Variants in FARS2 observed in about 807,000 individuals in gnomAD.
The protein encoded by FARS2 is phenylalanyl-tRNA synthetase 2, mitochondrial, also known as phenylalanine--tRNA ligase, mitochondrial.
Under a neutral mutation model 46.4 loss-of-function variants are expected in FARS2, and 40 were observed. That is an observed-to-expected ratio of 0.86 (90% CI 0.67 to 1.12). The LOEUF (loss-of-function observed/expected upper bound fraction) is 1.12, where lower values mean the gene tolerates loss of function less well. FARS2 is among the 50% of genes most tolerant of loss of function. FARS2 has a pLI of 0.00. For synonymous variants in FARS2, 234 were observed against 214.9 expected (o/e 1.09, Z -0.78); for missense variants, 513 against 567.9 (o/e 0.90, Z 0.98).
At chr6:5,464,657 A>G (rs1765418034) in intron 4 of FARS2, among the ~76,000 whole-genome samples, 1 of 152,210 alleles carries the variant, frequency 6.6e-6, no homozygotes, top group South Asian at 2.1e-4. Context: ...ATAAGCTCGT[A>G]TAGTACTGGG....
At chr6:5,615,276 T>C (rs1359031092) in intron 6 of FARS2, among the ~76,000 whole-genome samples, 1 of 152,238 alleles carries the variant, frequency 6.6e-6, no homozygotes, top group Non-Finnish European at 1.5e-5. Flanking sequence ...TCTGTACCTA[T>C]TATTTTCTCT....
At chr6:5,279,988 C>A (rs1166674652) in intron 1 of FARS2, among the ~76,000 whole-genome samples, 1 of 152,218 alleles carries the variant, frequency 6.6e-6, no homozygotes, top group Non-Finnish European at 1.5e-5. Context: ...GTAAGACTAA[C>A]CGTTACACTA....
chr6:5,352,477 T>TG (rs1757636905), intron 1 of FARS2, among the ~76,000 whole-genome samples: 2 of 152,104 alleles, frequency 1.3e-5, no homozygotes, highest in East Asian at 3.9e-4. Flanking sequence ...TGAAGGGAGA[T>TG]GCAGTGGGTG....
At chr6:5,360,140 C>G (rs565473771) in intron 1 of FARS2, among the ~76,000 whole-genome samples, 1 of 152,126 alleles carries the variant, frequency 6.6e-6, no homozygotes, top group Non-Finnish European at 1.5e-5. Flanking sequence ...ACATTTTCTC[C>G]CAGGCATTTC....
intron 5 of FARS2, among the ~76,000 whole-genome samples, chr6:5,562,695 T>TACACACACACACAC (rs35980009): frequency 0.051 from 6,912 of 135,578 alleles, 207 homozygotes; most frequent in South Asian, 0.11. Flanking sequence ...CTGTAATTTA[T>TACACACACACACAC]ACACACACAC....
intron 6 of FARS2, among the ~76,000 whole-genome samples, chr6:5,623,157 G>A (rs1775859224): frequency 6.6e-6 from 1 of 152,192 alleles, no homozygotes; most frequent in Admixed American, 6.5e-5. Flanking sequence ...CACTATCTAT[G>A]TGAAATGCTT....
At chr6:5,453,748 A>C (rs1031237576) in intron 4 of FARS2, among the ~76,000 whole-genome samples, 2 of 152,208 alleles carry the variant, frequency 1.3e-5, no homozygotes, top group Non-Finnish European at 2.9e-5. Flanking sequence ...GGTGCCCCAG[A>C]TGGTACCAAG....
intron 4 of FARS2, chr6:5,467,101 G>A (rs1765557514): frequency 1.0e-6 from 1 of 984,656 alleles, no homozygotes; most frequent in Non-Finnish European, 1.2e-6. Context: ...CGATTTATTG[G>A]TTGTTGAGCC....
intron 5 of FARS2, among the ~76,000 whole-genome samples, chr6:5,599,524 G>C (rs988313045): frequency 6.6e-6 from 1 of 152,210 alleles, no homozygotes; most frequent in South Asian, 2.1e-4. Context: ...AGACAGAATA[G>C]AAAAGAGAAG....
At chr6:5,322,673 C>T (rs1377538077) in intron 1 of FARS2, among the ~76,000 whole-genome samples, 5 of 152,138 alleles carry the variant, frequency 3.3e-5, no homozygotes, top group East Asian at 1.9e-4. Context: ...TGGTGACAGC[C>T]GTCACACAGA....
chr6:5,352,121 GT>G (rs909760885), intron 1 of FARS2, among the ~76,000 whole-genome samples: 108 of 145,848 alleles, frequency 7.4e-4, no homozygotes, highest in African/African-American at 9.9e-4. Context: ...AAACATTGAG[GT>G]TTTTTTTTTG....
At chr6:5,424,271 C>T (rs573531403) in intron 3 of FARS2, among the ~76,000 whole-genome samples, 8 of 152,180 alleles carry the variant, frequency 5.3e-5, no homozygotes, top group Non-Finnish European at 1.2e-4. Context: ...TATTATACAA[C>T]ACCTATCGAG....
chr6:5,517,375 G>T (rs1334702117), intron 4 of FARS2, among the ~76,000 whole-genome samples: 1 of 152,156 alleles, frequency 6.6e-6, no homozygotes, highest in African/African-American at 2.4e-5. Context: ...ACTTTGGGAG[G>T]CCGAGGCAGG....
intron 4 of FARS2, chr6:5,467,047 G>A (rs1765555130): frequency 1.0e-6 from 1 of 984,982 alleles, no homozygotes; most frequent in South Asian, 4.7e-5. Context: ...ATGGACCATG[G>A]GATACCAGCA....
intron 4 of FARS2, among the ~76,000 whole-genome samples, chr6:5,496,312 T>A (rs1345824229): frequency 6.6e-6 from 1 of 152,166 alleles, no homozygotes; most frequent in Non-Finnish European, 1.5e-5. Context: ...GGAATCAGTA[T>A]AAGATTACTT....
At chr6:5,427,199 T>G (rs1224925484) in intron 3 of FARS2, among the ~76,000 whole-genome samples, 1 of 152,208 alleles carries the variant, frequency 6.6e-6, no homozygotes, top group African/African-American at 2.4e-5. Flanking sequence ...CATCATGATA[T>G]TCTCTTCAAT....
intron 3 of FARS2, among the ~76,000 whole-genome samples, chr6:5,424,571 A>C (rs748393611): frequency 1.3e-5 from 2 of 152,204 alleles, no homozygotes; most frequent in Non-Finnish European, 1.5e-5. Flanking sequence ...TATATAACAA[A>C]GGAAGGAAAA....
chr6:5,748,613 T>A (rs1217636471), intron 6 of FARS2, among the ~76,000 whole-genome samples: 1 of 152,270 alleles, frequency 6.6e-6, no homozygotes, highest in Non-Finnish European at 1.5e-5. Context: ...TATATTATTT[T>A]GTCCTAATGG....
intron 1 of FARS2, chr6:5,272,326 T>TA (rs11459760): frequency 0.37 from 56,315 of 152,082 alleles, 14,148 homozygotes; most frequent in African/African-American, 0.71. Flanking sequence ...TGTTCTACTT[T>TA]TTATTAGTTT....
Sources: gnomAD v4.1 joint callset for allele counts (sites outside exome capture counted in the v4.1 genomes callset) on GRCh38, gnomAD v4.1.1 for gene constraint, MANE v1.5 for transcripts, NCBI Gene and HGNC (gene_info 2026-07-23, HGNC 2026-07-21) for gene names.